The following ELOVL7 variants were observed in gnomAD, a reference collection of about 807,000 sequenced individuals.
The protein encoded by ELOVL7 is very long chain fatty acid elongase 7.
A neutral mutation model predicts 35.7 loss-of-function variants in ELOVL7; 27 were observed. That is an observed-to-expected ratio of 0.76 (90% CI 0.56 to 1.04). The LOEUF (loss-of-function observed/expected upper bound fraction) is 1.04. Among genes scored for constraint, ELOVL7 ranks in the 50% least tolerant of loss-of-function variants. The pLI is 0.00. For missense variants in ELOVL7, 327 were observed against 340.8 expected (o/e 0.96, Z 0.32); for synonymous variants, 113 against 114.6 (o/e 0.99, Z 0.09).
intron 7 of ELOVL7, among the ~76,000 whole-genome samples, chr5:60,763,952 A>G (rs909326107): frequency 1.7e-4 from 26 of 152,034 alleles, no homozygotes; most frequent in Admixed American, 1.7e-3. Flanking sequence ...TATTTAATAA[A>G]CCTCTCTGGG....
At chr5:60,788,355 T>C (rs562546488) in intron 2 of ELOVL7, among the ~76,000 whole-genome samples, 6 of 152,300 alleles carry the variant, frequency 3.9e-5, no homozygotes, top group Non-Finnish European at 7.4e-5. Context: ...ATGGTGGTGA[T>C]GGCTGCACAA....
chr5:60,839,533 G>C (rs559553349), intron 1 of ELOVL7, among the ~76,000 whole-genome samples: 1 of 152,306 alleles, frequency 6.6e-6, no homozygotes, highest in East Asian at 1.9e-4. Context: ...TTTTGCAACT[G>C]TGCATGGTCA....
intron 1 of ELOVL7, among the ~76,000 whole-genome samples, chr5:60,835,374 C>T (rs376280097): frequency 6.6e-6 from 1 of 151,734 alleles, no homozygotes; most frequent in Non-Finnish European, 1.5e-5. Context: ...TTAAGGCAAG[C>T]TCAGGATATT....
chr5:60,814,737 C>T (rs1489262247), intron 1 of ELOVL7, among the ~76,000 whole-genome samples: 1 of 152,192 alleles, frequency 6.6e-6, no homozygotes, highest in Non-Finnish European at 1.5e-5. Context: ...TTCAGGGTTC[C>T]AGTCTATGCT....
At chr5:60,837,731 C>T (rs1252580543) in intron 1 of ELOVL7, among the ~76,000 whole-genome samples, 1 of 152,052 alleles carries the variant, frequency 6.6e-6, no homozygotes, top group Admixed American at 6.5e-5. Context: ...CACCTGAGGT[C>T]GGGAGTTTGA....
At chr5:60,842,880 C>CT (rs1405785890) in intron 1 of ELOVL7, among the ~76,000 whole-genome samples, 2 of 147,570 alleles carry the variant, frequency 1.4e-5, no homozygotes, top group Non-Finnish European at 3.0e-5. Flanking sequence ...TGCCTGGCAC[C>CT]TAAGCACTGA....
chr5:60,802,063 T>C (rs1041422000), intron 1 of ELOVL7, among the ~76,000 whole-genome samples: 1 of 2,104 alleles, frequency 4.8e-4, no homozygotes. Flanking sequence ...TAAACTCTCA[T>C]ATATATATAT....
At chr5:60,801,157 A>T (rs1006390169) in intron 1 of ELOVL7, among the ~76,000 whole-genome samples, 4 of 151,776 alleles carry the variant, frequency 2.6e-5, no homozygotes, top group Admixed American at 2.6e-4. Context: ...CAAACTCCTG[A>T]GCTCAGGTGA....
chr5:60,840,211 A>T (rs761506959), intron 1 of ELOVL7, among the ~76,000 whole-genome samples: 8 of 152,096 alleles, frequency 5.3e-5, no homozygotes, highest in Non-Finnish European at 1.2e-4. Flanking sequence ...TGAAATCCTA[A>T]CCCCCAATAC....
intron 5 of ELOVL7, among the ~76,000 whole-genome samples, chr5:60,767,585 C>T (rs1238092523): frequency 6.6e-6 from 1 of 152,142 alleles, no homozygotes; most frequent in African/African-American, 2.4e-5. Flanking sequence ...TGAGGAACCA[C>T]ATGTGAATTT....
At chr5:60,806,235 C>G (rs1412470979) in intron 1 of ELOVL7, among the ~76,000 whole-genome samples, 1 of 152,182 alleles carries the variant, frequency 6.6e-6, no homozygotes, top group Admixed American at 6.5e-5. Flanking sequence ...TTCTCATCTT[C>G]AGAACCATGA....
At chr5:60,771,476 A>C (rs1434158481) in intron 4 of ELOVL7, among the ~76,000 whole-genome samples, 4 of 152,222 alleles carry the variant, frequency 2.6e-5, no homozygotes, top group Non-Finnish European at 5.9e-5. Context: ...AGTTCATCAG[A>C]GTATCCAGAA....
At chr5:60,795,431 T>C (rs1479946638) in intron 2 of ELOVL7, among the ~76,000 whole-genome samples, 2 of 152,052 alleles carry the variant, frequency 1.3e-5, no homozygotes, top group East Asian at 3.9e-4. Flanking sequence ...ATCATATATA[T>C]CACCTGAGAG....
chr5:60,795,496 G>A (rs12523070), intron 2 of ELOVL7, among the ~76,000 whole-genome samples: 30,665 of 152,048 alleles, frequency 0.2, 3,633 homozygotes, highest in Non-Finnish European at 0.27. Flanking sequence ...AGCAGGGAGC[G>A]GCAACCTCTT....
intron 6 of ELOVL7, 26 bp downstream of exon 6, chr5:60,766,548 A>G: frequency 6.4e-7 from 1 of 1,565,114 alleles, no homozygotes. Flanking sequence ...TCAAACATTT[A>G]CCAAATGTGG....
At chr5:60,756,349 A>G (rs1277702210) in intron 8 of ELOVL7, among the ~76,000 whole-genome samples, 3 of 152,186 alleles carry the variant, frequency 2.0e-5, no homozygotes, top group Non-Finnish European at 4.4e-5. Context: ...TAAAAATATC[A>G]GTGATTATCC....
At chr5:60,787,499 T>G in intron 2 of ELOVL7, 68 bp from the exon 3 acceptor site, 1 of 870,204 alleles carries the variant, frequency 1.1e-6, no homozygotes, top group Non-Finnish European at 1.7e-6. Context: ...CTTATAGTAA[T>G]ACATTATTTA....
intron 1 of ELOVL7, 106 bp downstream of exon 1, chr5:60,844,054 A>G (rs62372102): frequency 0.52 from 79,387 of 151,782 alleles, 21,404 homozygotes; most frequent in East Asian, 0.81. Context: ...CCATCCGGCC[A>G]CTCCCGACGC....
chr5:60,822,011 C>T (rs975056810), intron 1 of ELOVL7, among the ~76,000 whole-genome samples: 2 of 152,258 alleles, frequency 1.3e-5, no homozygotes, highest in Non-Finnish European at 2.9e-5. Context: ...CTAATGCCTT[C>T]AGGTGTGTTC....
Sources: allele counts gnomAD v4.1 joint callset (sites outside exome capture counted in the v4.1 genomes callset), GRCh38; gene constraint gnomAD v4.1.1; transcripts MANE v1.5; gene names NCBI Gene and HGNC (gene_info 2026-07-23, HGNC 2026-07-21).